Variants in KALRN observed in about 807,000 individuals in gnomAD.
The protein encoded by KALRN is kalirin.
KALRN carries 70 observed loss-of-function variants against 353.7 expected under a neutral mutation model. That is an observed-to-expected ratio of 0.20 (90% CI 0.16 to 0.24). The LOEUF (loss-of-function observed/expected upper bound fraction) is 0.24. Among genes scored for constraint, KALRN ranks in the 10% least tolerant of loss-of-function variants. The pLI, the probability that KALRN is intolerant of heterozygous loss-of-function variation, is 1.00. For synonymous variants in KALRN, 1,391 were observed against 1,434.8 expected (o/e 0.97, Z 0.69); for missense variants, 2,791 against 3,756.7 (o/e 0.74, Z 6.72).
chr3:124,268,528 G>A lies in KALRN; in HGVS notation c.457-215G>A, dbSNP rs180746728. The stretch of plus-strand genomic sequence containing the variant: ...GGGTGGTAAATGGCTGGCAGTTGTA[G>A]AGGCTTGCTAAAGCAGTCAGCAGTC... On this transcript the variant is annotated intron_variant, in intron 4 of 59. Coordinates refer to ENST00000682506, the MANE Select transcript of KALRN (RefSeq NM_001388419.1). 3.6e-4 allele frequency: 209 copies of A among 580,484 alleles called. No individual in the cohort carries two copies. In the African/African-American group the frequency reaches 3.6e-3, roughly 10 times the overall value. The allele number at this position is 580,484 out of a possible 1,614,324, so 36.0% of individuals were successfully genotyped here. A position where few individuals can be genotyped will look rare whatever the true frequency, so the allele number is the denominator to read the frequency against.
chr3:124,348,872 C>G (rs1248051224), intron 10 of KALRN, among the ~76,000 whole-genome samples: 1 of 69,612 alleles, frequency 1.4e-5, no homozygotes, highest in Non-Finnish European at 4.1e-5. Flanking sequence ...CACCTGCCAC[C>G]ACACCCGGCT....
At chr3:124,511,431 C>T (rs1401239748) in intron 33 of KALRN, among the ~76,000 whole-genome samples, 3 of 152,210 alleles carry the variant, frequency 2.0e-5, no homozygotes, top group Non-Finnish European at 4.4e-5. Context: ...CTGTAGACAT[C>T]GTGGCCCTCC....
At chr3:124,702,143 A>T in intron 57 of KALRN, 27 bp downstream of exon 57, 1 of 1,405,664 alleles carries the variant, frequency 7.1e-7, no homozygotes, top group Non-Finnish European at 1.0e-6. Context: ...ATATTCCTTC[A>T]TTCATGAACA....
In KALRN at chr3:124,696,239, A is replaced by C. The variant is rs944399935; in HGVS notation, c.7683A>C (p.Ala2561=). The stretch of plus-strand genomic sequence containing the variant: ...ACCACGGGACCACATCAACGTCTGC[A>C]ACAGTCAAAGTGCAAGGTACAGCCT... The part of the protein sequence containing the change: ...TNDHGTTSTS[A]TVKVQGVPAA... The change falls in exon 54 of 60, where the codon GCA becomes GCC. Residue 2561 remains alanine, a synonymous_variant. Transcript: ENST00000682506. The C allele has an allele frequency of 3.1e-6, 5 of 1,613,956 alleles. No homozygotes were observed. The African/African-American group carries it at 6.7e-5, about 22-fold the overall frequency.
At chr3:124,414,996 T>C (rs1263869681) in intron 14 of KALRN, among the ~76,000 whole-genome samples, 13 of 152,244 alleles carry the variant, frequency 8.5e-5, no homozygotes, top group African/African-American at 3.1e-4. Context: ...ACTTCACTCC[T>C]GACCAGAGGA....
intron 5 of KALRN, among the ~76,000 whole-genome samples, chr3:124,290,507 GAGA>G (rs2076327181): frequency 6.6e-6 from 1 of 152,208 alleles, no homozygotes; most frequent in Admixed American, 6.5e-5. Flanking sequence ...TGGTGATGAA[GAGA>G]AGGAGAGACA....
chr3:124,112,433 C>A (rs550280107), intron 1 of KALRN, among the ~76,000 whole-genome samples: 1 of 151,928 alleles, frequency 6.6e-6, no homozygotes, highest in African/African-American at 2.4e-5. Context: ...CCACAGAAGG[C>A]GAGGTATGAA....
chr3:124,382,612 G>A (rs939953186), intron 10 of KALRN, among the ~76,000 whole-genome samples: 1 of 151,990 alleles, frequency 6.6e-6, no homozygotes, highest in Non-Finnish European at 1.5e-5. Flanking sequence ...ATCTCTTATT[G>A]GTCCCAAACC....
intron 33 of KALRN, among the ~76,000 whole-genome samples, chr3:124,497,755 C>T (rs78753817): frequency 0.021 from 3,163 of 152,312 alleles, 110 homozygotes; most frequent in African/African-American, 0.072. Context: ...AAGTGTTCCT[C>T]TTTAAACAGT....
At chr3:124,593,971 G>A (rs1385959755) in intron 34 of KALRN, among the ~76,000 whole-genome samples, 1 of 152,180 alleles carries the variant, frequency 6.6e-6, no homozygotes, top group South Asian at 2.1e-4. Context: ...GGCATTACAG[G>A]TGTGAGCCAC....
At chr3:124,472,853 C>G (rs928068722) in intron 25 of KALRN, among the ~76,000 whole-genome samples, 3 of 152,130 alleles carry the variant, frequency 2.0e-5, no homozygotes, top group African/African-American at 7.2e-5. Context: ...ATTTGCATTT[C>G]TGAAGCCCAA....
At chr3:124,345,584 T>A (rs537094751) in intron 9 of KALRN, among the ~76,000 whole-genome samples, 20 of 152,356 alleles carry the variant, frequency 1.3e-4, no homozygotes, top group South Asian at 4.1e-4. Context: ...TTAAAATATG[T>A]ATATTGCCAG....
At chr3:124,395,817 G>T (rs140584614) in intron 12 of KALRN, among the ~76,000 whole-genome samples, 1 of 152,256 alleles carries the variant, frequency 6.6e-6, no homozygotes, top group African/African-American at 2.4e-5. Context: ...AAGTGTGGTG[G>T]TGTCCTACCA....
At chr3:124,075,628 G>A (rs945480478) in intron 1 of KALRN, among the ~76,000 whole-genome samples, 11 of 152,216 alleles carry the variant, frequency 7.2e-5, no homozygotes, top group African/African-American at 2.4e-4. Context: ...GCTTTCTTGA[G>A]GGTCTGCTAT....
intron 59 of KALRN, among the ~76,000 whole-genome samples, chr3:124,717,645 G>A (rs1163680664): frequency 1.6e-4 from 25 of 151,820 alleles, no homozygotes; most frequent in Admixed American, 8.5e-4. Context: ...GCAGTGAGCC[G>A]AGATCGCGCC....
intron 1 of KALRN, among the ~76,000 whole-genome samples, chr3:124,198,401 T>C (rs1262012836): frequency 6.6e-6 from 1 of 152,282 alleles, no homozygotes; most frequent in East Asian, 1.9e-4. Context: ...AAAATGCGTG[T>C]CAAGTCCTTT....
At chr3:124,297,610 G>A (rs976337003) in intron 5 of KALRN, among the ~76,000 whole-genome samples, 19 of 152,200 alleles carry the variant, frequency 1.2e-4, no homozygotes, top group African/African-American at 4.6e-4. Context: ...AACTGTAAGG[G>A]ACATGTGATG....
At chr3:124,328,102 C>G (rs2080110287) in intron 7 of KALRN, among the ~76,000 whole-genome samples, 1 of 152,202 alleles carries the variant, frequency 6.6e-6, no homozygotes, top group African/African-American at 2.4e-5. Context: ...TTTATTTCCT[C>G]CATTTGTGTC....
At chr3:124,380,757 T>A (rs1488751586) in intron 10 of KALRN, among the ~76,000 whole-genome samples, 1 of 152,212 alleles carries the variant, frequency 6.6e-6, no homozygotes, top group Non-Finnish European at 1.5e-5. Flanking sequence ...GTCAAAGTAT[T>A]GCTTTGGTAA....
Sources: allele counts gnomAD v4.1 joint callset (sites outside exome capture counted in the v4.1 genomes callset), GRCh38; gene constraint gnomAD v4.1.1; transcripts MANE v1.5; gene names NCBI Gene and HGNC (gene_info 2026-07-23, HGNC 2026-07-21).